The following AP3B2 variants were observed in gnomAD, a reference collection of about 807,000 sequenced individuals.
The protein encoded by AP3B2 is AP-3 complex subunit beta-2.
Under a neutral mutation model 126.9 loss-of-function variants are expected in AP3B2, and 50 were observed. The ratio of observed to expected loss-of-function variants is 0.39; its 90% confidence interval spans 0.31 to 0.50. The LOEUF is 0.50. Ranked by LOEUF, AP3B2 falls within the 20% of genes least tolerant of loss-of-function variation. The pLI, the probability that AP3B2 is intolerant of heterozygous loss-of-function variation, is 0.79. For synonymous variants in AP3B2, 541 were observed against 565.0 expected (o/e 0.96, Z 0.60); for missense variants, 1,177 against 1,426.4 (o/e 0.83, Z 2.82).
At chr15:82,708,131 C>G (rs2048825815) in intron 1 of AP3B2, among the ~76,000 whole-genome samples, 1 of 152,202 alleles carries the variant, frequency 6.6e-6, no homozygotes, top group African/African-American at 2.4e-5. Context: ...CTGTGCCTGC[C>G]TTAACTGATG....
At chr15:82,667,772 G>T (rs956946243) in intron 14 of AP3B2, among the ~76,000 whole-genome samples, 3 of 152,150 alleles carry the variant, frequency 2.0e-5, no homozygotes, top group African/African-American at 7.2e-5. Context: ...AAAGAAGCAG[G>T]ATCATTAAGG....
intron 4 of AP3B2, chr15:82,688,527 C>T (rs1303791324): frequency 1.4e-6 from 1 of 703,770 alleles, no homozygotes; most frequent in South Asian, 1.5e-5. Flanking sequence ...GCCCTGGGTA[C>T]CCACTTCATC....
intron 1 of AP3B2, chr15:82,689,710 C>A: frequency 4.0e-6 from 2 of 495,916 alleles, no homozygotes; most frequent in East Asian, 3.5e-5. Context: ...CAGAATGTAA[C>A]CTTATTTGGA....
intron 1 of AP3B2, among the ~76,000 whole-genome samples, chr15:82,705,067 C>T (rs1056309515): frequency 3.3e-5 from 5 of 152,100 alleles, no homozygotes; most frequent in African/African-American, 1.2e-4. Context: ...ACAGCCACAC[C>T]TCATTGCCAC....
chr15:82,680,371 C>A lies in AP3B2; in HGVS notation c.1055+101G>T. 6.8e-7 allele frequency: 1 copy of A among 1,473,522 alleles called. No individual in the cohort carries two copies. 91.3% of individuals were successfully genotyped at this position (1,473,522 alleles called of 1,614,324 possible). ...CTACGGTCAGTGTGGAGCGGGTGGG[C>A]AGAGGTGGAAGCGGCTGGTGGGCGT... is the stretch of plus-strand genomic sequence containing the variant. On this transcript the variant is annotated intron_variant, in intron 8 of 26. Coordinates refer to ENST00000535359, the MANE Select transcript of AP3B2 (RefSeq NM_001278512.2). This position sits in a 1 kb window ranked among gnomAD's most constrained non-coding sequence, Gnocchi z 6.1.
Position 82,663,938 on chromosome 15 carries a change from T to A in AP3B2, c.2299A>T (p.Lys767Ter). 1.2e-6 allele frequency: 2 copies of A among 1,608,880 alleles called. No individual in the cohort carries two copies. Among genetic ancestry groups the A allele is most frequent in the Non-Finnish European group, 1.7e-6 (2 of 1,179,810 alleles). ...TCTCCTTTTCTCTCTGGCACCTTCT[T>A]CTTTGTCTTCCTCTTACCATCCTCC... is the stretch of plus-strand genomic sequence containing the variant. ...SEEDGKRKTKKKVPERKGEAS... is the reference protein window; with the variant it reads ...SEEDGKRKTK The change falls in exon 20 of 27, where the codon AAG (lysine) becomes TAG (stop). Residue 767 changes from lysine to a stop codon, truncating the protein, a stop_gained. Coordinates refer to ENST00000535359, the MANE Select transcript of AP3B2 (RefSeq NM_001278512.2). LOFTEE classifies it high-confidence loss of function.
rs1373471918 is a variant in AP3B2, at chr15:82,680,489, G to A, written c.1038C>T (p.Arg346=). ...EVGVIAKALV[R]LLRSHSEVQY... ...GAGCGCACCTGTGGCTGCGCAGCAGGCGCACCAGCGCCTTGGCGATGACGC... is the reference window on the plus strand; with the variant it reads ...GAGCGCACCTGTGGCTGCGCAGCAGACGCACCAGCGCCTTGGCGATGACGC... Residue 346 remains arginine (R), a synonymous_variant, in exon 8 of 27, where the codon CGC becomes CGT. Coordinates refer to ENST00000535359, the MANE Select transcript of AP3B2 (RefSeq NM_001278512.2). The surrounding 1 kb of genome is among the most constrained non-coding windows in gnomAD (Gnocchi z 6.1). The A allele has an allele frequency of 1.6e-5, 24 of 1,511,554 alleles. No individual in the cohort carries two copies. The South Asian group carries it at 2.6e-4, about 16-fold the overall frequency. The allele number at this position is 1,511,554 out of a possible 1,614,324, so 93.6% of individuals were successfully genotyped here. A position where few individuals can be genotyped will look rare whatever the true frequency, so the allele number is the denominator to read the frequency against.
chr15:82,688,964 C>T, intron 3 of AP3B2, 133 bp from the exon 4 acceptor site: 1 of 1,005,014 alleles, frequency 1.0e-6, no homozygotes, highest in East Asian at 2.6e-5. Flanking sequence ...GGAGAGCACC[C>T]CTGAGTGTAT....
chr15:82,670,883 G>T (rs934700419), intron 14 of AP3B2, among the ~76,000 whole-genome samples: 2 of 152,132 alleles, frequency 1.3e-5, no homozygotes, highest in African/African-American at 4.8e-5. Flanking sequence ...TTTAAAAATG[G>T]GCAAAAGAGC....
intron 14 of AP3B2, among the ~76,000 whole-genome samples, chr15:82,670,256 C>A (rs983432964): frequency 6.6e-6 from 1 of 151,424 alleles, no homozygotes; most frequent in African/African-American, 2.4e-5. Context: ...ATTACAGGCA[C>A]CCGCCACCAC....
chr15:82,704,454 C>T (rs1003288934), intron 1 of AP3B2, among the ~76,000 whole-genome samples: 3 of 152,228 alleles, frequency 2.0e-5, no homozygotes, highest in African/African-American at 7.2e-5. Context: ...CTCCAGTACA[C>T]AAGAACTTCA....
Position 82,665,261 on chromosome 15 carries a change from C to T in AP3B2, c.2014G>A (p.Gly672Ser). ...GAAGGTGGGACCTCAGTGTATTCGC[C>T]CAACAGGCCCACGTGAGTCTCAATA... ...SLIETHVGLL[G>S]EYTEVPEWTK... The change falls in exon 17 of 27, where the codon GGC (glycine) becomes AGC (serine). Residue 672 changes from glycine to serine, a missense_variant. Transcript: ENST00000535359. The surrounding 1 kb of genome is among the most constrained non-coding windows in gnomAD (Gnocchi z 4.4). 3.9e-6 allele frequency: 6 copies of T among 1,540,312 alleles called. No homozygotes were observed. Among genetic ancestry groups the T allele is most frequent in the Non-Finnish European group, 3.5e-6 (4 of 1,149,120 alleles).
chr15:82,682,333 G>A (rs2048353487), intron 4 of AP3B2, among the ~76,000 whole-genome samples: 1 of 152,030 alleles, frequency 6.6e-6, no homozygotes, highest in Non-Finnish European at 1.5e-5. Flanking sequence ...GATTACAGAC[G>A]TGAGCCACCA....
chr15:82,696,827 T>G (rs2048635495), intron 1 of AP3B2, among the ~76,000 whole-genome samples: 1 of 152,170 alleles, frequency 6.6e-6, no homozygotes, highest in Non-Finnish European at 1.5e-5. Flanking sequence ...ATCAGAGAAT[T>G]GTTAATAAAC....
intron 1 of AP3B2, among the ~76,000 whole-genome samples, chr15:82,707,154 G>A (rs2048809833): frequency 6.6e-6 from 1 of 152,106 alleles, no homozygotes; most frequent in African/African-American, 2.4e-5. Flanking sequence ...AATCACCCAA[G>A]CAGTTTCTCA....
intron 25 of AP3B2, among the ~76,000 whole-genome samples, chr15:82,661,356 C>T: frequency 6.6e-6 from 1 of 152,220 alleles, no homozygotes; most frequent in East Asian, 1.9e-4. Flanking sequence ...GATCTTCCCT[C>T]CTCCCTTGCC....
chr15:82,665,152 CAG>C lies in AP3B2; in HGVS notation c.2028+93_2028+94del, dbSNP rs2048029056. 5 of 1,390,356 alleles carry C rather than the reference CAG, an allele frequency of 3.6e-6. No individual in the cohort carries two copies. Among genetic ancestry groups the C allele is most frequent in the African/African-American group, 1.4e-5 (1 of 69,844 alleles). 86.1% of individuals were successfully genotyped at this position (1,390,356 alleles called of 1,614,324 possible). A position where few individuals can be genotyped will look rare whatever the true frequency, so the allele number is the denominator to read the frequency against. The stretch of plus-strand genomic sequence containing the variant: ...GAGCACTGCCAAACCAAGGTGGAAA[CAG>C]AGTATGGGAAGGCCCAGGAGCACAA... On this transcript the variant is annotated intron_variant, in intron 17 of 26. Coordinates refer to ENST00000535359, the MANE Select transcript of AP3B2 (RefSeq NM_001278512.2). The surrounding 1 kb of genome is among the most constrained non-coding windows in gnomAD (Gnocchi z 4.4).
At chr15:82,685,153 T>C (rs1214109698) in intron 4 of AP3B2, 4 of 152,216 alleles carry the variant, frequency 2.6e-5, no homozygotes, top group African/African-American at 7.2e-5. Context: ...ACAATTACAA[T>C]AGTAACATCA....
At chr15:82,670,112 T>TGGG (rs1465209530) in intron 14 of AP3B2, among the ~76,000 whole-genome samples, 1,521 of 68,340 alleles carry the variant, frequency 0.022, 141 homozygotes, top group Non-Finnish European at 0.037. Flanking sequence ...TTTTTTTTTT[T>TGGG]GGCGGGGGGG....
Sources: allele counts gnomAD v4.1 joint callset (sites outside exome capture counted in the v4.1 genomes callset), GRCh38; gene constraint gnomAD v4.1.1; non-coding constraint Gnocchi (gnomAD v3.1); transcripts MANE v1.5; gene names NCBI Gene and HGNC (gene_info 2026-07-23, HGNC 2026-07-21).